ROR1: variants seen among roughly 807,000 people sequenced by gnomAD.
ROR1 encodes ROR family WNT receptor 1.
ROR1 carries 19 observed loss-of-function variants against 78.8 expected under a neutral mutation model. The observed-to-expected ratio is 0.24, with a 90% CI of 0.17 to 0.35. The LOEUF (loss-of-function observed/expected upper bound fraction) is 0.35. ROR1 is among the 10% of genes least tolerant of loss of function. ROR1 has a pLI of 1.00. For synonymous variants in ROR1, 386 were observed against 433.6 expected, an observed-to-expected ratio of 0.89 and a Z score of 1.36; for missense variants, 917 against 1,177.8, an observed-to-expected ratio of 0.78 and a Z score of 3.24.
intron 7 of ROR1, among the ~76,000 whole-genome samples, chr1:64,146,177 G>A (rs1001333305): frequency 6.6e-6 from 1 of 152,152 alleles, no homozygotes; most frequent in African/African-American, 2.4e-5. Flanking sequence ...TAAATGAATT[G>A]TTTTAAGAAA....
intron 1 of ROR1, among the ~76,000 whole-genome samples, chr1:63,819,806 T>C (rs1244548522): frequency 2.0e-5 from 3 of 152,180 alleles, no homozygotes. Context: ...ACCTACATCA[T>C]AGTCTTATTG....
intron 1 of ROR1, among the ~76,000 whole-genome samples, chr1:63,979,103 C>T (rs191227529): frequency 1.3e-5 from 2 of 152,280 alleles, no homozygotes; most frequent in East Asian, 3.9e-4. Flanking sequence ...TCAGAACCTA[C>T]CCATTTACAT....
intron 4 of ROR1, among the ~76,000 whole-genome samples, chr1:64,127,179 T>C (rs1648740440): frequency 1.3e-5 from 2 of 152,206 alleles, no homozygotes; most frequent in South Asian, 4.1e-4. Context: ...CAAATACTGT[T>C]TTGTGTTGTC....
Position 64,124,878 on chromosome 1 carries a change from T to A in ROR1, c.483-12491T>A, listed in dbSNP as rs769917598. The stretch of plus-strand genomic sequence containing the variant: ...TGAGCATATGATTTGCAGTTCATAT[T>A]GAATAACGATGTAAGAAATCTGCCA... On this transcript the variant is annotated intron_variant, in intron 4 of 8. Transcript: ENST00000371079. 1.2e-4 allele frequency among the ~76,000 whole-genome samples: 19 copies of A among 152,222 alleles called. 1 individual carries two copies. The highest frequency in any genetic ancestry group is 4.3e-4 in the African/African-American group (18 of 41,466).
At chr1:63,790,086 A>C (rs1213645388) in intron 1 of ROR1, among the ~76,000 whole-genome samples, 2 of 152,140 alleles carry the variant, frequency 1.3e-5, no homozygotes, top group African/African-American at 4.8e-5. Context: ...ATTTCCACTC[A>C]CATGCTCTCC....
At chr1:64,099,436 C>T (rs997178467) in intron 4 of ROR1, among the ~76,000 whole-genome samples, 1 of 152,044 alleles carries the variant, frequency 6.6e-6, no homozygotes, top group Non-Finnish European at 1.5e-5. Context: ...ATACTTGTCA[C>T]GGTGGTGTGA....
At chr1:63,870,771 C>T (rs915160271) in intron 1 of ROR1, among the ~76,000 whole-genome samples, 7 of 152,270 alleles carry the variant, frequency 4.6e-5, no homozygotes, top group African/African-American at 1.4e-4. Flanking sequence ...AATGATAACT[C>T]AAACCTTTCC....
intron 1 of ROR1, among the ~76,000 whole-genome samples, chr1:63,788,148 A>G (rs923055154): frequency 2.7e-4 from 41 of 152,316 alleles, no homozygotes; most frequent in African/African-American, 7.9e-4. Context: ...TGTTCCTACA[A>G]TGCACACAGC....
intron 8 of ROR1, among the ~76,000 whole-genome samples, chr1:64,176,799 GT>G (rs1333197205): frequency 2.6e-5 from 4 of 152,198 alleles, no homozygotes; most frequent in Admixed American, 2.6e-4. Flanking sequence ...ACAATCTTTT[GT>G]TTTGGTTTCT....
intron 8 of ROR1, among the ~76,000 whole-genome samples, chr1:64,165,853 T>C (rs2100735817): frequency 1.3e-5 from 2 of 152,006 alleles, no homozygotes; most frequent in East Asian, 3.9e-4. Context: ...TACAGGCATG[T>C]ACCACCACAC....
intron 4 of ROR1, among the ~76,000 whole-genome samples, chr1:64,136,524 T>C (rs942734459): frequency 2.0e-5 from 3 of 151,908 alleles, no homozygotes; most frequent in Non-Finnish European, 4.4e-5. Flanking sequence ...TCGTGGGAGA[T>C]GGTAGCCTCT....
intron 1 of ROR1, among the ~76,000 whole-genome samples, chr1:63,912,028 T>C (rs1430107270): frequency 1.3e-5 from 2 of 151,526 alleles, no homozygotes; most frequent in Non-Finnish European, 2.9e-5. Flanking sequence ...GGCTGCCACC[T>C]GTAATCCCAG....
At chr1:63,921,355 A>C (rs576682749) in intron 1 of ROR1, among the ~76,000 whole-genome samples, 1 of 152,250 alleles carries the variant, frequency 6.6e-6, no homozygotes, top group East Asian at 1.9e-4. Context: ...GGGGGTGGCG[A>C]CGCTGCACAT....
At chr1:63,785,662 A>G (rs1050394299) in intron 1 of ROR1, among the ~76,000 whole-genome samples, 3 of 151,778 alleles carry the variant, frequency 2.0e-5, no homozygotes, top group Non-Finnish European at 4.4e-5. Flanking sequence ...AGCAGCTTGG[A>G]TTACAGGCGC....
intron 1 of ROR1, among the ~76,000 whole-genome samples, chr1:63,932,178 A>C (rs1405831868): frequency 2.6e-5 from 4 of 152,198 alleles, no homozygotes; most frequent in Non-Finnish European, 5.9e-5. Flanking sequence ...CAAGATGCTC[A>C]ATAGACCTGA....
At chr1:63,864,207 G>A (rs1037624552) in intron 1 of ROR1, among the ~76,000 whole-genome samples, 3 of 152,158 alleles carry the variant, frequency 2.0e-5, no homozygotes, top group Non-Finnish European at 4.4e-5. Context: ...AGAGATGGAG[G>A]CAGGATTCAA....
At chr1:64,009,518 T>C in intron 2 of ROR1, 142 bp downstream of exon 2, 1 of 650,778 alleles carries the variant, frequency 1.5e-6, no homozygotes, top group Non-Finnish European at 2.8e-6. Flanking sequence ...GCTTACTTTG[T>C]GATCATTTAA....
intron 1 of ROR1, chr1:63,843,595 G>A (rs1157907278): frequency 2.1e-5 from 14 of 678,222 alleles, no homozygotes; most frequent in African/African-American, 5.3e-5. Context: ...ACCTTCTTGA[G>A]CTTCTTCACC....
At chr1:64,041,855 A>T (rs1646748435) in intron 2 of ROR1, among the ~76,000 whole-genome samples, 1 of 152,124 alleles carries the variant, frequency 6.6e-6, no homozygotes, top group South Asian at 2.1e-4. Context: ...CAGCAGGTTC[A>T]TTCACCCAGA....
Sources: gnomAD v4.1 joint callset for allele counts (sites outside exome capture counted in the v4.1 genomes callset) on GRCh38, gnomAD v4.1.1 for gene constraint, MANE v1.5 for transcripts, NCBI Gene and HGNC (gene_info 2026-07-23, HGNC 2026-07-21) for gene names.